ENPP3: variants seen among roughly 807,000 people sequenced by gnomAD.
ENPP3 encodes ectonucleotide pyrophosphatase/phosphodiesterase 3.
ENPP3 carries 104 observed loss-of-function variants against 117.8 expected under a neutral mutation model. The observed-to-expected ratio is 0.88, with a 90% CI of 0.75 to 1.04. The LOEUF (loss-of-function observed/expected upper bound fraction) is 1.04, where lower values mean the gene tolerates loss of function less well. Ranked by LOEUF, ENPP3 falls within the 50% of genes least tolerant of loss-of-function variation. The probability of loss-of-function intolerance (pLI) is 0.00; values close to 1 mark genes in which losing one functional copy is unlikely to be tolerated. For missense variants in ENPP3, 1,026 were observed against 1,051.9 expected, an observed-to-expected ratio of 0.98 and a Z score of 0.34; for synonymous variants, 380 against 349.9, an observed-to-expected ratio of 1.09 and a Z score of -0.96.
chr6:131,688,581 G>A (rs370922511), intron 14 of ENPP3, among the ~76,000 whole-genome samples: 5 of 152,268 alleles, frequency 3.3e-5, no homozygotes, highest in African/African-American at 1.2e-4. Flanking sequence ...TTGCTGACAT[G>A]GAGAAAGTTT....
rs556887082 is a variant in ENPP3, at chr6:131,663,161, T to C, written c.562+4741T>C. On this transcript the variant is annotated intron_variant, in intron 6 of 24. Coordinates refer to ENST00000357639, the MANE Select transcript of ENPP3 (RefSeq NM_005021.5). ...TTCTTTCCTATGTGGTTGCCTTTTT[T>C]TTTTTTCTTGCCTAATTGCTCAGGC... Among the ~76,000 whole-genome samples, 8 of 152,074 alleles carry C rather than the reference T, an allele frequency of 5.3e-5. No individual in the cohort carries two copies. The South Asian group carries it at 1.5e-3, about 28-fold the overall frequency.
rs1779654175 is a variant in ENPP3 at position 131,706,960 on chromosome 6, T to C, written c.1413-11712T>C. Among the ~76,000 whole-genome samples, 5 of 152,156 alleles carry C rather than the reference T, an allele frequency of 3.3e-5. No individual in the cohort carries two copies. In the South Asian group the frequency reaches 8.3e-4, roughly 25 times the overall value. On this transcript the variant is annotated intron_variant, in intron 15 of 24. Transcript: ENST00000357639. ...TGTAATAATAGCTTCAAAAAATAAA[T>C]TGGGAAATGCTCTCTCTTTTACTGT...
intron 20 of ENPP3, among the ~76,000 whole-genome samples, chr6:131,726,603 C>A (rs1344250326): frequency 2.6e-5 from 4 of 152,150 alleles, no homozygotes; most frequent in Non-Finnish European, 5.9e-5. Context: ...TTAACAAGTA[C>A]TTTACTATTT....
chr6:131,637,605 C>G, intron 1 of ENPP3, 143 bp downstream of exon 1: 1 of 434,310 alleles, frequency 2.3e-6, no homozygotes, highest in Non-Finnish European at 4.1e-6. Flanking sequence ...TATGAAAACT[C>G]TAATGCAAAT....
chr6:131,652,798 C>G (rs1256055464), intron 4 of ENPP3, 33 bp from the exon 5 acceptor site: 8 of 1,597,102 alleles, frequency 5.0e-6, no homozygotes, highest in African/African-American at 2.7e-5. Flanking sequence ...TGTGCTGCAG[C>G]AAGTATCAAG....
At chr6:131,676,862 T>A in intron 10 of ENPP3, 61 bp downstream of exon 10, 1 of 454,974 alleles carries the variant, frequency 2.2e-6, no homozygotes, top group Non-Finnish European at 3.4e-6. Context: ...AAAAATGAAG[T>A]TTTTTTTTTT....
intron 14 of ENPP3, among the ~76,000 whole-genome samples, chr6:131,686,455 T>G (rs1340233377): frequency 6.6e-6 from 1 of 152,210 alleles, no homozygotes; most frequent in Non-Finnish European, 1.5e-5. Context: ...GTAATAGTTT[T>G]GTTATTTATT....
chr6:131,638,027 A>G (rs1329457504), intron 1 of ENPP3, among the ~76,000 whole-genome samples: 2 of 145,684 alleles, frequency 1.4e-5, no homozygotes, highest in African/African-American at 5.1e-5. Context: ...ACGCTTATCC[A>G]TTTCCTTGAT....
intron 2 of ENPP3, among the ~76,000 whole-genome samples, chr6:131,642,223 C>A (rs1361602626): frequency 6.6e-6 from 1 of 152,054 alleles, no homozygotes; most frequent in Non-Finnish European, 1.5e-5. Flanking sequence ...TTGCTTCATT[C>A]CCATGACCTC....
chr6:131,744,415 G>A (rs1463694092), intron 24 of ENPP3, among the ~76,000 whole-genome samples: 1 of 152,136 alleles, frequency 6.6e-6, no homozygotes, highest in Non-Finnish European at 1.5e-5. Context: ...TCATTGGTGT[G>A]AAATACAATT....
intron 15 of ENPP3, among the ~76,000 whole-genome samples, chr6:131,696,006 A>G (rs1210221993): frequency 6.6e-6 from 1 of 152,122 alleles, no homozygotes; most frequent in African/African-American, 2.4e-5. Flanking sequence ...TTTTCTAGTG[A>G]AAGTACATCA....
chr6:131,672,408 A>G (rs991579668), intron 7 of ENPP3, among the ~76,000 whole-genome samples: 5 of 152,156 alleles, frequency 3.3e-5, no homozygotes, highest in Non-Finnish European at 7.3e-5. Context: ...TGCCTTACAG[A>G]GGAAATATGT....
At chr6:131,653,218 C>A (rs1403051673) in intron 5 of ENPP3, among the ~76,000 whole-genome samples, 1 of 152,186 alleles carries the variant, frequency 6.6e-6, no homozygotes, top group Non-Finnish European at 1.5e-5. Context: ...CAGTCTTGAC[C>A]TCCCAGACAC....
chr6:131,637,707 C>T (rs540127239), intron 1 of ENPP3, among the ~76,000 whole-genome samples: 6 of 152,142 alleles, frequency 3.9e-5, no homozygotes, highest in East Asian at 1.9e-4. Context: ...CATGACAGAA[C>T]GCTTTGTGGC....
At chr6:131,740,451 G>T in intron 24 of ENPP3, 71 bp downstream of exon 24, 1 of 1,234,660 alleles carries the variant, frequency 8.1e-7, no homozygotes, top group Non-Finnish European at 1.1e-6. Context: ...TCATAAAAGT[G>T]GCTCTGACTA....
At chr6:131,639,698 A>G (rs922237759) in intron 1 of ENPP3, among the ~76,000 whole-genome samples, 1 of 152,194 alleles carries the variant, frequency 6.6e-6, no homozygotes, top group Non-Finnish European at 1.5e-5. Flanking sequence ...ATGTGCTCTC[A>G]GCAGTTTTTG....
At chr6:131,670,569 C>T (rs1280822985) in intron 6 of ENPP3, among the ~76,000 whole-genome samples, 2 of 152,128 alleles carry the variant, frequency 1.3e-5, no homozygotes, top group Non-Finnish European at 2.9e-5. Flanking sequence ...CAGCTCACTG[C>T]CGTCTCCATC....
chr6:131,670,579 C>T (rs529632462), intron 6 of ENPP3, among the ~76,000 whole-genome samples: 1 of 152,202 alleles, frequency 6.6e-6, no homozygotes. Flanking sequence ...CCGTCTCCAT[C>T]TCCTGAGCTC....
intron 1 of ENPP3, 61 bp from the exon 2 acceptor site, chr6:131,641,394 T>A (rs1300385933): frequency 9.4e-6 from 10 of 1,061,226 alleles, no homozygotes; most frequent in Non-Finnish European, 1.1e-5. Context: ...AAAGGGTGGT[T>A]ATTTGTATCT....
Sources: allele counts gnomAD v4.1 joint callset (sites outside exome capture counted in the v4.1 genomes callset), GRCh38; gene constraint gnomAD v4.1.1; transcripts MANE v1.5; gene names NCBI Gene and HGNC (gene_info 2026-07-23, HGNC 2026-07-21).